SLC6A19: variants seen among roughly 807,000 people sequenced by gnomAD.
The protein encoded by SLC6A19 is solute carrier family 6 member 19, also known as sodium-dependent neutral amino acid transporter B(0)AT1.
SLC6A19 carries 67 observed loss-of-function variants against 68.3 expected under a neutral mutation model. The ratio of observed to expected loss-of-function variants is 0.98; its 90% CI spans 0.81 to 1.20. SLC6A19 has a LOEUF of 1.20. SLC6A19 is among the 50% of genes most tolerant of loss of function. SLC6A19 has a pLI of 0.00. For missense variants in SLC6A19, 813 were observed against 851.6 expected (o/e 0.95, Z 0.56); for synonymous variants, 392 against 374.9 (o/e 1.05, Z -0.53).
intron 1 of SLC6A19, among the ~76,000 whole-genome samples, chr5:1,204,929 CT>C (rs1745811221): frequency 6.6e-6 from 1 of 152,194 alleles, no homozygotes; most frequent in South Asian, 2.1e-4. Context: ...AAAGGGGAAG[CT>C]TAGTCCCTGC....
intron 1 of SLC6A19, among the ~76,000 whole-genome samples, chr5:1,205,143 GGGA>G (rs1745818592): frequency 6.6e-6 from 1 of 152,180 alleles, no homozygotes; most frequent in Non-Finnish European, 1.5e-5. Context: ...CTGGTTTCCA[GGGA>G]CCTTTGCAAC....
Position 1,209,518 on chromosome 5 carries a change from G to C in SLC6A19, c.343+632G>C, listed in dbSNP as rs1327241229. Among the ~76,000 whole-genome samples the C allele has an allele frequency of 6.6e-6, 1 of 151,932 alleles. No individual in the cohort carries two copies. Among genetic ancestry groups the C allele is most frequent in the Non-Finnish European group, 1.5e-5 (1 of 67,970 alleles). On this transcript the variant is annotated intron_variant, in intron 2 of 11. Coordinates refer to ENST00000304460, the MANE Select transcript of SLC6A19 (RefSeq NM_001003841.3). This position sits in a 1 kb window ranked among gnomAD's most constrained non-coding sequence, Gnocchi z 5.5. Reference sequence around the variant, plus strand: ...CCCAGCCTCTCCCTGAGTCTCCAAGGCCTCCCTCCAGGCCCAGGGCAGAGC... The same window carrying C: ...CCCAGCCTCTCCCTGAGTCTCCAAGCCCTCCCTCCAGGCCCAGGGCAGAGC...
rs750297981 is a variant in SLC6A19, at chr5:1,213,996, C to A, written c.818C>A (p.Ala273Glu). Residue 273 changes from alanine (A) to glutamate (E), a missense_variant, in exon 6 of 12, where the codon GCA becomes GAA. Ala to Glu is a moderately radical substitution (Grantham distance 107). Transcript: ENST00000304460. ...CCGGACACCTGGCTGGACGCGGGCG[C>A]ACAGGTCTTCTTCTCCTTCTCCCTG... Reference protein sequence around the residue: ...AQPDTWLDAGAQVFFSFSLAF... With the variant: ...AQPDTWLDAGEQVFFSFSLAF... 6.2e-7 allele frequency: 1 copy of A among 1,613,686 alleles called. No individual in the cohort carries two copies. The highest frequency in any genetic ancestry group is 1.1e-5 in the South Asian group (1 of 91,088).
intron 6 of SLC6A19, 78 bp from the exon 7 acceptor site, chr5:1,216,480 G>A (rs1186917939): frequency 6.2e-7 from 1 of 1,604,920 alleles, no homozygotes; most frequent in Non-Finnish European, 8.5e-7. Flanking sequence ...GCTCTGGGCG[G>A]GATGCGGATG....
chr5:1,206,988 C>T (rs537430580), intron 1 of SLC6A19, among the ~76,000 whole-genome samples: 29 of 152,292 alleles, frequency 1.9e-4, no homozygotes, highest in African/African-American at 5.8e-4. Context: ...GTGCTCACCC[C>T]GGCTGCAGCG....
intron 1 of SLC6A19, among the ~76,000 whole-genome samples, chr5:1,207,159 C>T (rs1010348593): frequency 2.6e-5 from 4 of 152,220 alleles, no homozygotes; most frequent in Admixed American, 2.0e-4. Flanking sequence ...CCCTGACCCT[C>T]GTCCTTCTCC....
At position 1,201,868 on chromosome 5, in the gene SLC6A19, G is replaced by A. The variant is rs111266807; in HGVS notation, c.202+16G>A. 94 of 1,604,976 alleles carry A rather than the reference G, an allele frequency of 5.9e-5. No individual in the cohort carries two copies. The highest frequency in any genetic ancestry group is 1.6e-4 in the African/African-American group (12 of 75,004). On this transcript the variant is annotated intron_variant, in intron 1 of 11. Transcript: ENST00000304460. ...CACGGAGGAGGTAGGCTGGCCGGGCGGGGCTGCGGGCGAGGCCGTGGCCAG... is the reference window on the plus strand; with the variant it reads ...CACGGAGGAGGTAGGCTGGCCGGGCAGGGCTGCGGGCGAGGCCGTGGCCAG...
At chr5:1,218,808 T>C (rs1316781614) in intron 8 of SLC6A19, 95 bp from the exon 9 acceptor site, 2 of 1,304,634 alleles carry the variant, frequency 1.5e-6, no homozygotes, top group African/African-American at 2.9e-5. Context: ...GCCCGCCCCA[T>C]GCTGCGTGGC....
At position 1,212,354 on chromosome 5, in the gene SLC6A19, G is replaced by T. The variant is rs763090941; in HGVS notation, c.533G>T (p.Arg178Leu). Reference sequence around the variant, plus strand: ...TCCCCTGTGGACTACTTCTGGTACCGAGAGACGCTCAACATCTCCACGTCC... The same window carrying T: ...TCCCCTGTGGACTACTTCTGGTACCTAGAGACGCTCAACATCTCCACGTCC... Reference protein sequence around the residue: ...RSSPVDYFWYRETLNISTSIS... With the variant: ...RSSPVDYFWYLETLNISTSIS... Residue 178 changes from arginine (R) to leucine (L), a missense_variant, in exon 4 of 12, where the codon CGA (arginine) becomes CTA (leucine). By Grantham distance (102) the Arg-to-Leu change is moderately radical. Coordinates refer to ENST00000304460, the MANE Select transcript of SLC6A19 (RefSeq NM_001003841.3). The surrounding 1 kb of genome is among the most constrained non-coding windows in gnomAD (Gnocchi z 5.1). 17 of 1,613,462 alleles carry T rather than the reference G, an allele frequency of 1.1e-5. No homozygotes were observed. Among genetic ancestry groups the T allele is most frequent in the Non-Finnish European group, 1.4e-5 (17 of 1,179,966 alleles).
At chr5:1,219,943 G>A (rs1239384031) in intron 10 of SLC6A19, among the ~76,000 whole-genome samples, 1 of 152,148 alleles carries the variant, frequency 6.6e-6, no homozygotes, top group African/African-American at 2.4e-5. Flanking sequence ...GCCAGAGCTC[G>A]AGGCCACTGC....
chr5:1,219,372 G>A (rs1009332969), intron 9 of SLC6A19, 133 bp from the exon 10 acceptor site: 3 of 1,340,310 alleles, frequency 2.2e-6, no homozygotes, highest in South Asian at 2.5e-5. Flanking sequence ...CCCCGGCAGT[G>A]TGTGCAGCCC....
chr5:1,208,923 G>T (rs944586830), intron 2 of SLC6A19, 37 bp downstream of exon 2: 7 of 1,590,786 alleles, frequency 4.4e-6, no homozygotes, highest in South Asian at 1.1e-5. Flanking sequence ...GGGCCCAGGG[G>T]TCGCCTCTGC....
Position 1,222,746 on chromosome 5 carries a change from GGACACATGCCT to G in SLC6A19, c.*844_*854del, listed in dbSNP as rs1746431256. The G allele has an allele frequency of 6.5e-6, 1 of 154,952 alleles. No individual in the cohort carries two copies. The highest frequency in any genetic ancestry group is 2.1e-4 in the South Asian group (1 of 4,872). 9.6% of individuals were successfully genotyped at this position (154,952 alleles called of 1,614,324 possible). A position where few individuals can be genotyped will look rare whatever the true frequency, so the allele number is the denominator to read the frequency against. ...GGATATGTGTGCGTACACGTCGCTG[GGACACATGCCT>G]GCCACTCGGGGCCCAGCTGCCCTCT... On this transcript the variant is annotated 3_prime_UTR_variant, in exon 12 of 12. Coordinates refer to ENST00000304460, the MANE Select transcript of SLC6A19 (RefSeq NM_001003841.3).
chr5:1,206,757 G>C (rs1474364393), intron 1 of SLC6A19, among the ~76,000 whole-genome samples: 2 of 152,084 alleles, frequency 1.3e-5, no homozygotes, highest in African/African-American at 4.8e-5. Context: ...AGGGGCTGTC[G>C]CTGGGACCCC....
chr5:1,214,481 G>A lies in SLC6A19; in HGVS notation c.887+416G>A, dbSNP rs1006146188. 6.6e-5 allele frequency among the ~76,000 whole-genome samples: 10 copies of A among 152,102 alleles called. No individual in the cohort carries two copies. Among genetic ancestry groups the A allele is most frequent in the Admixed American group, 5.2e-4 (8 of 15,282 alleles). On this transcript the variant is annotated intron_variant, in intron 6 of 11. Coordinates refer to ENST00000304460, the MANE Select transcript of SLC6A19 (RefSeq NM_001003841.3). This position sits in a 1 kb window ranked among gnomAD's most constrained non-coding sequence, Gnocchi z 7.4. ...GATCCTTCCACTGCCCCTTCCCCAC[G>A]TACCCACTGCGCTTCCCAATGCCCC...
intron 10 of SLC6A19, among the ~76,000 whole-genome samples, chr5:1,220,577 C>A (rs1398481137): frequency 6.6e-6 from 1 of 152,204 alleles, no homozygotes; most frequent in Non-Finnish European, 1.5e-5. Context: ...GCATAACCAC[C>A]TAAATGTGGA....
rs1300762291 is a variant in SLC6A19 at position 1,218,913 on chromosome 5, G to C, written c.1184G>C (p.Gly395Ala). The change falls in exon 9 of 12, where the codon GGC becomes GCC. Residue 395 changes from glycine (G) to alanine (A), a missense_variant. Physicochemically the swap from Gly to Ala is moderately conservative, Grantham distance 60. Coordinates refer to ENST00000304460, the MANE Select transcript of SLC6A19 (RefSeq NM_001003841.3). ...GTGTCATCCGTGCAGGCCGTGGAGGGCACAGGCCTGGCCTTCATCGTCTTC... is the reference window on the plus strand; with the variant it reads ...GTGTCATCCGTGCAGGCCGTGGAGGCCACAGGCCTGGCCTTCATCGTCTTC... ...INAFLSEAVE[G>A]TGLAFIVFTE... 1 of 1,613,616 alleles carries C rather than the reference G, an allele frequency of 6.2e-7. No individual in the cohort carries two copies. The highest frequency in any genetic ancestry group is 8.5e-7 in the Non-Finnish European group (1 of 1,179,992).
At position 1,208,808 on chromosome 5, in the gene SLC6A19, G is replaced by A; in HGVS notation, c.265G>A (p.Glu89Lys). Reference sequence around the variant, plus strand: ...GGAGGGCATCCCCCTGCTGTACCTGGAGTTCGCCATCGGGCAGCGGCTGCG... The same window carrying A: ...GGAGGGCATCCCCCTGCTGTACCTGAAGTTCGCCATCGGGCAGCGGCTGCG... ...VLEGIPLLYLEFAIGQRLRRG... is the reference protein window; with the variant it reads ...VLEGIPLLYLKFAIGQRLRRG... Residue 89 changes from glutamate (E) to lysine (K), a missense_variant, in exon 2 of 12, where the codon GAG becomes AAG. By Grantham distance (56) the Glu-to-Lys change is moderately conservative. Coordinates refer to ENST00000304460, the MANE Select transcript of SLC6A19 (RefSeq NM_001003841.3). 6.2e-7 allele frequency: 1 copy of A among 1,613,290 alleles called. No homozygotes were observed. The highest frequency in any genetic ancestry group is 8.5e-7 in the Non-Finnish European group (1 of 1,179,992).
At chr5:1,205,274 G>A (rs1240824956) in intron 1 of SLC6A19, among the ~76,000 whole-genome samples, 1 of 152,224 alleles carries the variant, frequency 6.6e-6, no homozygotes, top group South Asian at 2.1e-4. Context: ...GGAAGAAGTC[G>A]CTGCGTTTAA....
Sources: allele counts gnomAD v4.1 joint callset (sites outside exome capture counted in the v4.1 genomes callset), GRCh38; gene constraint gnomAD v4.1.1; non-coding constraint Gnocchi (gnomAD v3.1); transcripts MANE v1.5; gene names NCBI Gene and HGNC (gene_info 2026-07-23, HGNC 2026-07-21).